SMIM14: variants seen among roughly 807,000 people sequenced by gnomAD.
SMIM14 encodes the protein small integral membrane protein 14.
In SMIM14, 5 loss-of-function variants were observed where a neutral mutation model predicts 12.6. That is an observed-to-expected ratio of 0.40 (90% CI 0.21 to 0.83). The LOEUF is 0.83. Among genes scored for constraint, SMIM14 ranks in the 40% least tolerant of loss-of-function variants. The pLI is 0.37. For synonymous variants in SMIM14, 30 were observed against 40.1 expected (o/e 0.75, Z 0.95); for missense variants, 86 against 119.1 (o/e 0.72, Z 1.29).
intron 1 of SMIM14, among the ~76,000 whole-genome samples, chr4:39,624,514 T>C (rs1159484958): frequency 6.6e-6 from 1 of 152,168 alleles, no homozygotes; most frequent in Non-Finnish European, 1.5e-5. Context: ...AGAAATTAGA[T>C]AACTATCAAA....
At chr4:39,597,243 A>G (rs979429577) in intron 2 of SMIM14, among the ~76,000 whole-genome samples, 1 of 151,750 alleles carries the variant, frequency 6.6e-6, no homozygotes, top group African/African-American at 2.4e-5. Flanking sequence ...GTCCTACTAG[A>G]CACTCACAAA....
At position 39,547,819 on chromosome 4, in the gene SMIM14, T is replaced by A. The variant is rs760174882; in HGVS notation, c.*4307A>T. 1.3e-5 allele frequency: 2 copies of A among 152,208 alleles called. No homozygotes were observed. Among genetic ancestry groups the A allele is most frequent in the Non-Finnish European group, 2.9e-5 (2 of 68,052 alleles). 9.4% of individuals were successfully genotyped at this position (152,208 alleles called of 1,614,324 possible). A position where few individuals can be genotyped will look rare whatever the true frequency, so the allele number is the denominator to read the frequency against. The stretch of plus-strand genomic sequence containing the variant: ...CCATAGAATAGCTGTATTCAATAAT[T>A]ATTTTGGAAAATCCACATTATGAAA... On this transcript the variant is annotated 3_prime_UTR_variant, in exon 5 of 5. Coordinates refer to ENST00000295958, the MANE Select transcript of SMIM14 (RefSeq NM_174921.3).
intron 1 of SMIM14, among the ~76,000 whole-genome samples, chr4:39,632,611 T>TGG (rs2109259005): frequency 1.3e-5 from 2 of 151,548 alleles, no homozygotes; most frequent in East Asian, 3.9e-4. Context: ...CTGGGCAACA[T>TGG]TGCAAAACCC....
intron 2 of SMIM14, among the ~76,000 whole-genome samples, chr4:39,574,049 T>C (rs1212811897): frequency 6.6e-6 from 1 of 152,036 alleles, no homozygotes; most frequent in Non-Finnish European, 1.5e-5. Flanking sequence ...GATGAATAAA[T>C]AGTAAAGACA....
intron 1 of SMIM14, among the ~76,000 whole-genome samples, chr4:39,619,879 T>TAGA: frequency 7.3e-6 from 1 of 137,404 alleles, no homozygotes; most frequent in East Asian, 2.1e-4. Context: ...TATATATATT[T>TAGA]TTTTTTTTTT....
chr4:39,629,067 A>G (rs1715812246), intron 1 of SMIM14, among the ~76,000 whole-genome samples: 1 of 151,842 alleles, frequency 6.6e-6, no homozygotes, highest in Admixed American at 6.6e-5. Flanking sequence ...AAACAGAAAA[A>G]TTTAACAGAA....
At chr4:39,577,290 G>A (rs769848654) in intron 2 of SMIM14, among the ~76,000 whole-genome samples, 2 of 152,130 alleles carry the variant, frequency 1.3e-5, no homozygotes, top group Non-Finnish European at 2.9e-5. Flanking sequence ...AATTATGCCA[G>A]TTTAATATGG....
At position 39,605,095 on chromosome 4, in the gene SMIM14, A is replaced by G. The variant is rs11558912; in HGVS notation, c.51T>C (p.His17=). The change falls in exon 2 of 5, where the codon CAT becomes CAC. Residue 17 remains histidine, a synonymous_variant. Transcript: ENST00000295958. ...DPCECVCSHE[H]AMRRLINLLR... is the part of the protein sequence containing the mutation. ...CCAGATTGATCAGTCTTCTCATTGC[A>G]TGTTCATGAGAGCAAACACATTCAC... 2.5e-4 allele frequency: 410 copies of G among 1,608,656 alleles called. No individual in the cohort carries two copies. The highest frequency in any genetic ancestry group is 3.3e-4 in the Non-Finnish European group (392 of 1,177,310).
intron 1 of SMIM14, among the ~76,000 whole-genome samples, chr4:39,618,695 G>A (rs1578361654): frequency 2.0e-5 from 3 of 146,606 alleles, no homozygotes; most frequent in African/African-American, 5.0e-5. Flanking sequence ...CCAGTGTAAT[G>A]AAACTCACTC....
At chr4:39,625,058 A>G (rs1715641536) in intron 1 of SMIM14, among the ~76,000 whole-genome samples, 2 of 150,506 alleles carry the variant, frequency 1.3e-5, no homozygotes, top group Admixed American at 1.3e-4. Flanking sequence ...TACAAAAAAA[A>G]AAGACAAAAG....
chr4:39,631,583 C>G (rs1018486545), intron 1 of SMIM14, among the ~76,000 whole-genome samples: 3 of 151,524 alleles, frequency 2.0e-5, no homozygotes, highest in African/African-American at 7.3e-5. Context: ...GGCATGAACC[C>G]GGGAAGCGGA....
intron 2 of SMIM14, among the ~76,000 whole-genome samples, chr4:39,584,587 G>A (rs1184730200): frequency 2.7e-5 from 4 of 149,542 alleles, no homozygotes; most frequent in African/African-American, 7.4e-5. Flanking sequence ...CTTGAGCCCA[G>A]GAGTTCAAGA....
intron 1 of SMIM14, among the ~76,000 whole-genome samples, chr4:39,607,293 C>T (rs925661079): frequency 3.9e-5 from 6 of 152,096 alleles, no homozygotes; most frequent in Admixed American, 6.5e-5. Flanking sequence ...ATCTCAATAA[C>T]GAGTAAAATT....
intron 4 of SMIM14, among the ~76,000 whole-genome samples, chr4:39,556,053 G>C (rs1301671165): frequency 6.6e-6 from 1 of 151,952 alleles, no homozygotes; most frequent in Non-Finnish European, 1.5e-5. Context: ...GCATGCCTGT[G>C]GTCCCAACTA....
At chr4:39,611,290 G>A (rs528239319) in intron 1 of SMIM14, among the ~76,000 whole-genome samples, 1 of 152,220 alleles carries the variant, frequency 6.6e-6, no homozygotes, top group Non-Finnish European at 1.5e-5. Flanking sequence ...CAGATCACCT[G>A]AGGTCAGGAG....
At chr4:39,605,273 A>G (rs1714763604) in intron 1 of SMIM14, 93 bp from the exon 2 acceptor site, 1 of 633,592 alleles carries the variant, frequency 1.6e-6, no homozygotes, top group African/African-American at 1.8e-5. Flanking sequence ...TACATTCACA[A>G]TAGTATTAAA....
chr4:39,597,088 T>C (rs1287943321), intron 2 of SMIM14, among the ~76,000 whole-genome samples: 6 of 109,308 alleles, frequency 5.5e-5, no homozygotes, highest in Admixed American at 2.8e-4. Flanking sequence ...GGTTTCCCTT[T>C]TTTTTTTTTT....
chr4:39,610,876 A>G (rs745946205), intron 1 of SMIM14, among the ~76,000 whole-genome samples: 6 of 152,168 alleles, frequency 3.9e-5, no homozygotes, highest in Non-Finnish European at 8.8e-5. Context: ...GCACACATAC[A>G]TAACTACAAG....
chr4:39,603,645 G>T (rs1483742198), intron 2 of SMIM14, among the ~76,000 whole-genome samples: 1 of 151,976 alleles, frequency 6.6e-6, no homozygotes, highest in South Asian at 2.1e-4. Flanking sequence ...CACTACAATC[G>T]ACTCAATGAG....
Sources: gnomAD v4.1 joint callset for allele counts (sites outside exome capture counted in the v4.1 genomes callset) on GRCh38, gnomAD v4.1.1 for gene constraint, MANE v1.5 for transcripts, NCBI Gene and HGNC (gene_info 2026-07-23, HGNC 2026-07-21) for gene names.